SGCZ: variants seen among roughly 807,000 people sequenced by gnomAD.
SGCZ encodes the protein zeta-sarcoglycan.
A neutral mutation model predicts 41.3 loss-of-function variants in SGCZ; 40 were observed. The observed-to-expected ratio is 0.97, with a 90% CI of 0.75 to 1.26. SGCZ has a LOEUF of 1.26. Ranked by LOEUF, SGCZ falls within the 50% of genes most tolerant of loss-of-function variation. The pLI, the probability that SGCZ is intolerant of heterozygous loss-of-function variation, is 0.00. For missense variants in SGCZ, 552 were observed against 369.8 expected, an observed-to-expected ratio of 1.49 and a Z score of -4.04; for synonymous variants, 206 against 137.5, an observed-to-expected ratio of 1.50 and a Z score of -3.49.
At chr8:14,804,448 C>A (rs1801454431) in intron 1 of SGCZ, among the ~76,000 whole-genome samples, 1 of 136,058 alleles carries the variant, frequency 7.3e-6, no homozygotes, top group Non-Finnish European at 1.6e-5. Context: ...GCCTCAGGAG[C>A]CGATGCGATC....
intron 1 of SGCZ, among the ~76,000 whole-genome samples, chr8:14,931,765 A>C (rs982149414): frequency 3.3e-5 from 5 of 152,026 alleles, no homozygotes; most frequent in African/African-American, 1.2e-4. Flanking sequence ...AGCTTTGTCC[A>C]AGGGTTGAAC....
intron 2 of SGCZ, among the ~76,000 whole-genome samples, chr8:14,419,003 C>T (rs973878346): frequency 3.3e-5 from 5 of 151,894 alleles, no homozygotes; most frequent in Non-Finnish European, 4.4e-5. Flanking sequence ...CCCTTCATGA[C>T]AATCTCACCT....
intron 1 of SGCZ, among the ~76,000 whole-genome samples, chr8:15,204,321 G>T (rs1014740778): frequency 2.9e-4 from 44 of 152,212 alleles, no homozygotes; most frequent in African/African-American, 9.2e-4. Flanking sequence ...GTATGCAGAA[G>T]GGTTTTATTT....
At chr8:14,430,577 C>A (rs189712427) in intron 2 of SGCZ, among the ~76,000 whole-genome samples, 1 of 152,184 alleles carries the variant, frequency 6.6e-6, no homozygotes. Flanking sequence ...AACAAACCCA[C>A]GGCCAACATA....
At chr8:14,500,238 A>G (rs1947707) in intron 2 of SGCZ, among the ~76,000 whole-genome samples, 71,575 of 151,654 alleles carry the variant, frequency 0.47, 16,977 homozygotes, top group Admixed American at 0.54. Context: ...CTAAAATCAG[A>G]TGTAATGTAG....
intron 2 of SGCZ, among the ~76,000 whole-genome samples, chr8:14,351,614 T>G (rs1311900951): frequency 1.3e-5 from 2 of 151,596 alleles, no homozygotes; most frequent in Admixed American, 6.6e-5. Context: ...AAAATTCAAA[T>G]AGAACATGAT....
At chr8:14,106,093 G>C (rs1036935859) in intron 6 of SGCZ, among the ~76,000 whole-genome samples, 3 of 152,040 alleles carry the variant, frequency 2.0e-5, no homozygotes, top group African/African-American at 7.2e-5. Flanking sequence ...CATTCATTTA[G>C]TTAATGTCCT....
chr8:14,192,589 T>C (rs775769982), intron 4 of SGCZ, among the ~76,000 whole-genome samples: 145 of 151,978 alleles, frequency 9.5e-4, no homozygotes, highest in Non-Finnish European at 5.9e-4. Context: ...AATATGCTTA[T>C]TATTAGCTAT....
chr8:14,504,975 C>A (rs2117060528), intron 2 of SGCZ, among the ~76,000 whole-genome samples: 1 of 152,116 alleles, frequency 6.6e-6, no homozygotes, highest in East Asian at 1.9e-4. Flanking sequence ...CTGTCTGTTG[C>A]ATTGCTTTTT....
rs569215592 is a variant in SGCZ at position 14,581,511 on chromosome 8, A to C, written c.40-26585T>G. On this transcript the variant is annotated intron_variant, in intron 1 of 7. Transcript: ENST00000382080. ...TTATATCTGACTTGTTTTAGAGTCT[A>C]AATGAAGAATAACCTTCCCAAGCCC... Among the ~76,000 whole-genome samples, 19 of 152,068 alleles carry C rather than the reference A, an allele frequency of 1.2e-4. 2 individuals carry two copies. In the South Asian group the frequency reaches 3.7e-3, roughly 30 times the overall value.
chr8:14,324,248 A>G, intron 2 of SGCZ, 44 bp from the exon 3 acceptor site: 1 of 1,396,908 alleles, frequency 7.2e-7, no homozygotes, highest in Non-Finnish European at 1.0e-6. Flanking sequence ...TAATTGGAGA[A>G]TGAATATCTG....
intron 1 of SGCZ, among the ~76,000 whole-genome samples, chr8:14,873,635 T>C (rs546833111): frequency 2.6e-4 from 40 of 152,196 alleles, no homozygotes; most frequent in African/African-American, 9.4e-4. Flanking sequence ...GTATCTACAA[T>C]CAACCAAGGC....
At chr8:15,102,487 C>A (rs1348353687) in intron 1 of SGCZ, among the ~76,000 whole-genome samples, 2 of 151,824 alleles carry the variant, frequency 1.3e-5, no homozygotes, top group Non-Finnish European at 2.9e-5. Flanking sequence ...GAATGTAGAA[C>A]ACAAAAAAGG....
At chr8:14,936,432 T>G (rs937914417) in intron 1 of SGCZ, among the ~76,000 whole-genome samples, 1 of 151,934 alleles carries the variant, frequency 6.6e-6, no homozygotes, top group Non-Finnish European at 1.5e-5. Context: ...AATGAATATC[T>G]CGTAATTTAT....
At chr8:14,541,793 G>C (rs1253868093) in intron 2 of SGCZ, among the ~76,000 whole-genome samples, 1 of 152,084 alleles carries the variant, frequency 6.6e-6, no homozygotes, top group African/African-American at 2.4e-5. Flanking sequence ...TCCAGCATCT[G>C]TTGTTTCCTG....
intron 2 of SGCZ, among the ~76,000 whole-genome samples, chr8:14,438,849 C>A (rs893800440): frequency 7.2e-5 from 11 of 151,956 alleles, no homozygotes; most frequent in African/African-American, 2.7e-4. Context: ...CCCTATTAGC[C>A]TGTCATTTTC....
At chr8:14,174,020 A>T (rs1804468622) in intron 4 of SGCZ, among the ~76,000 whole-genome samples, 1 of 152,238 alleles carries the variant, frequency 6.6e-6, no homozygotes, top group Middle Eastern at 3.4e-3. Flanking sequence ...TTAAAAAGCT[A>T]CTTTGTAATG....
chr8:15,062,502 T>C (rs557559138), intron 1 of SGCZ, among the ~76,000 whole-genome samples: 4 of 152,248 alleles, frequency 2.6e-5, no homozygotes, highest in African/African-American at 9.6e-5. Context: ...CTACTACAAA[T>C]AGAAATAGTC....
intron 4 of SGCZ, among the ~76,000 whole-genome samples, chr8:14,205,378 A>T (rs77072190): frequency 0.038 from 5,795 of 152,274 alleles, 116 homozygotes; most frequent in Middle Eastern, 0.068. Context: ...AATCTGCTAA[A>T]ATGTTTTTCA....
Sources: allele counts gnomAD v4.1 joint callset (sites outside exome capture counted in the v4.1 genomes callset), GRCh38; gene constraint gnomAD v4.1.1; transcripts MANE v1.5; gene names NCBI Gene and HGNC (gene_info 2026-07-23, HGNC 2026-07-21).